Variants in GREB1L observed in about 807,000 individuals in gnomAD.
GREB1L encodes GREB1 like retinoic acid receptor coactivator, also known as GREB1-like protein.
Under a neutral mutation model 200.8 loss-of-function variants are expected in GREB1L, and 17 were observed. That is an observed-to-expected ratio of 0.08 (90% CI 0.06 to 0.13). The LOEUF (loss-of-function observed/expected upper bound fraction) is 0.13, where lower values mean the gene tolerates loss of function less well. GREB1L is among the 10% of genes least tolerant of loss of function. GREB1L has a pLI of 1.00. For missense variants in GREB1L, 1,657 were observed against 2,367.7 expected, an observed-to-expected ratio of 0.70 and a Z score of 6.23; for synonymous variants, 789 against 893.0, an observed-to-expected ratio of 0.88 and a Z score of 2.08.
chr18:21,318,527 A>G (rs1196095002), intron 1 of GREB1L, among the ~76,000 whole-genome samples: 1 of 152,188 alleles, frequency 6.6e-6, no homozygotes, highest in Non-Finnish European at 1.5e-5. Context: ...ATGGGTCAAA[A>G]CCCAGTCATA....
intron 1 of GREB1L, among the ~76,000 whole-genome samples, chr18:21,305,236 A>T (rs2038681814): frequency 6.6e-6 from 1 of 152,148 alleles, no homozygotes; most frequent in Admixed American, 6.5e-5. Context: ...GGCCTCTCAA[A>T]GTGCTGGGAT....
intron 7 of GREB1L, among the ~76,000 whole-genome samples, chr18:21,424,595 C>G (rs554604335): frequency 6.6e-5 from 10 of 152,138 alleles, no homozygotes; most frequent in African/African-American, 2.2e-4. Flanking sequence ...GAGTGAGACT[C>G]TGTCTCAAAA....
At chr18:21,316,452 T>C (rs1157960425) in intron 1 of GREB1L, among the ~76,000 whole-genome samples, 1 of 152,226 alleles carries the variant, frequency 6.6e-6, no homozygotes, top group Non-Finnish European at 1.5e-5. Flanking sequence ...CAGATCTTTT[T>C]GTCTCTGCCA....
At chr18:21,316,355 G>T (rs1161124214) in intron 1 of GREB1L, among the ~76,000 whole-genome samples, 1 of 152,182 alleles carries the variant, frequency 6.6e-6, no homozygotes, top group Non-Finnish European at 1.5e-5. Flanking sequence ...AGTGGTAGAA[G>T]ATAGATCTGG....
intron 1 of GREB1L, among the ~76,000 whole-genome samples, chr18:21,349,533 C>A (rs1159597802): frequency 7.2e-5 from 11 of 152,184 alleles, no homozygotes. Context: ...CTGTTAGGAA[C>A]TGGGCCGGCA....
At chr18:21,498,894 C>G in intron 21 of GREB1L, among the ~76,000 whole-genome samples, 1 of 152,214 alleles carries the variant, frequency 6.6e-6, no homozygotes, top group South Asian at 2.1e-4. Context: ...GGGATTCGAC[C>G]TCCCTGTCTG....
At chr18:21,499,478 TGCAGGGG>T (rs1348093141) in intron 21 of GREB1L, among the ~76,000 whole-genome samples, 1 of 152,128 alleles carries the variant, frequency 6.6e-6, no homozygotes, top group Admixed American at 6.5e-5. Context: ...CTGAAGACCA[TGCAGGGG>T]GAAGCCACAG....
At chr18:21,408,958 GT>G (rs1394959196) in intron 7 of GREB1L, among the ~76,000 whole-genome samples, 1 of 152,120 alleles carries the variant, frequency 6.6e-6, no homozygotes, top group Non-Finnish European at 1.5e-5. Context: ...TTGGAATACA[GT>G]TTGGCAATTT....
intron 1 of GREB1L, among the ~76,000 whole-genome samples, chr18:21,251,981 T>C (rs2037713753): frequency 6.6e-6 from 1 of 152,044 alleles, no homozygotes; most frequent in Non-Finnish European, 1.5e-5. Context: ...ATCTCTAGTT[T>C]ATAAGGAACT....
chr18:21,346,089 T>C (rs1437087746), intron 1 of GREB1L, among the ~76,000 whole-genome samples: 1 of 152,150 alleles, frequency 6.6e-6, no homozygotes, highest in Non-Finnish European at 1.5e-5. Flanking sequence ...ATGCCTAGAT[T>C]AAGCTACTGA....
At chr18:21,493,767 G>A (rs2036432314) in intron 19 of GREB1L, among the ~76,000 whole-genome samples, 1 of 146,722 alleles carries the variant, frequency 6.8e-6, no homozygotes, top group South Asian at 2.2e-4. Flanking sequence ...TCAGGAGGCT[G>A]AGGCAGGAGA....
At chr18:21,330,330 G>A (rs1212515107) in intron 1 of GREB1L, among the ~76,000 whole-genome samples, 1 of 152,238 alleles carries the variant, frequency 6.6e-6, no homozygotes, top group Non-Finnish European at 1.5e-5. Flanking sequence ...GGTCACTGTG[G>A]TACAGACAGA....
chr18:21,326,876 A>T (rs562604313), intron 1 of GREB1L, among the ~76,000 whole-genome samples: 2 of 151,782 alleles, frequency 1.3e-5, no homozygotes, highest in East Asian at 3.9e-4. Context: ...ACTTGCTCTC[A>T]TTTCCCATTT....
At position 21,410,976 on chromosome 18, in the gene GREB1L, C is replaced by CA. The variant is rs376327710; in HGVS notation, c.832+6991dup. On this transcript the variant is annotated intron_variant, in intron 7 of 32. Coordinates refer to ENST00000424526, the MANE Select transcript of GREB1L (RefSeq NM_001142966.3). ...ATCTTAAGAAAAACAAAAACAAAAA[C>CA]AAAAAAAAAGAATACTTATGAATTA... Among the ~76,000 whole-genome samples the CA allele has an allele frequency of 1.1e-3, 166 of 148,356 alleles. 1 individual carries two copies. Among genetic ancestry groups the CA allele is most frequent in the Non-Finnish European group, 2.1e-3 (139 of 66,964 alleles).
chr18:21,302,142 T>C (rs1200710212), intron 1 of GREB1L, among the ~76,000 whole-genome samples: 1 of 152,192 alleles, frequency 6.6e-6, no homozygotes, highest in East Asian at 1.9e-4. Context: ...TGGCTATAAA[T>C]ATGTTGAAAC....
In GREB1L at chr18:21,440,335, C is replaced by G. The variant is rs973193818; in HGVS notation, c.1016C>G (p.Pro339Arg). 2 of 1,551,560 alleles carry G rather than the reference C, an allele frequency of 1.3e-6. No homozygotes were observed. The highest frequency in any genetic ancestry group is 2.4e-5 in the East Asian group (1 of 40,918). ...HRGWYPGSPL[P>R]QPGLVVPVPT... ...GGATGGTATCCTGGGTCACCTCTCC[C>G]CCAACCTGGCTTAGTTGTACCTGTC... Residue 339 changes from proline to arginine, a missense_variant, in exon 9 of 33, where the codon CCC (proline) becomes CGC (arginine). This residue lies in a region of GREB1L where 289 missense variants were observed against 345.1 expected (regional missense o/e 0.84). Coordinates refer to ENST00000424526, the MANE Select transcript of GREB1L (RefSeq NM_001142966.3).
intron 13 of GREB1L, 160 bp downstream of exon 13, chr18:21,451,311 A>G: frequency 1.3e-6 from 1 of 742,228 alleles, no homozygotes; most frequent in Non-Finnish European, 2.1e-6. Flanking sequence ...ACACCACAGG[A>G]AGCAGTAAGG....
rs2034558329 is a variant in GREB1L at position 21,452,151 on chromosome 18, G to A, written c.1918G>A (p.Asp640Asn). Reference sequence around the variant, plus strand: ...AGGAGACAGTGTGGTTACCCCTTTCGATGGAGACCTTAATGAATGTGTGTC... The same window carrying A: ...AGGAGACAGTGTGGTTACCCCTTTCAATGGAGACCTTAATGAATGTGTGTC... ...RRGDSVVTPF[D>N]GDLNECVSPQ... The change falls in exon 14 of 33, where the codon GAT becomes AAT. Residue 640 changes from aspartate to asparagine, a missense_variant. Physicochemically the swap from Asp to Asn is conservative, Grantham distance 23. This residue lies in a region of GREB1L where 239 missense variants were observed against 421.8 expected (regional missense o/e 0.57). Transcript: ENST00000424526. 9 of 1,551,832 alleles carry A rather than the reference G, an allele frequency of 5.8e-6. No individual in the cohort carries two copies. Among genetic ancestry groups the A allele is most frequent in the South Asian group, 1.2e-5 (1 of 84,056 alleles).
intron 7 of GREB1L, among the ~76,000 whole-genome samples, chr18:21,433,635 C>G (rs1176002415): frequency 6.6e-6 from 1 of 152,182 alleles, no homozygotes; most frequent in Non-Finnish European, 1.5e-5. Context: ...CTTAGAGAAG[C>G]ATGTTAACTC....
Sources: gnomAD v4.1 joint callset for allele counts (sites outside exome capture counted in the v4.1 genomes callset) on GRCh38, gnomAD v4.1.1 for gene constraint, gnomAD v4.1.1 regional missense constraint, MANE v1.5 for transcripts, NCBI Gene and HGNC (gene_info 2026-07-23, HGNC 2026-07-21) for gene names.